Variants in PKD1 observed in about 807,000 individuals in gnomAD.
PKD1 encodes polycystin-1.
A neutral mutation model predicts 361.7 loss-of-function variants in PKD1; 81 were observed. The ratio of observed to expected loss-of-function variants is 0.22; its 90% CI spans 0.19 to 0.27. The LOEUF (loss-of-function observed/expected upper bound fraction) is 0.27. Among genes scored for constraint, PKD1 ranks in the 10% least tolerant of loss-of-function variants. The probability of loss-of-function intolerance (pLI) is 1.00; values close to 1 mark genes in which losing one functional copy is unlikely to be tolerated. For synonymous variants in PKD1, 3,615 were observed against 2,818.3 expected (o/e 1.28, Z -8.95); for missense variants, 6,399 against 6,118.3 (o/e 1.05, Z -1.53).
At position 2,107,904 on chromosome 16, in the gene PKD1, C is replaced by A; in HGVS notation, c.7044G>T (p.Lys2348Asn). 1 of 1,545,074 alleles carries A rather than the reference C, an allele frequency of 6.5e-7. No homozygotes were observed. The highest frequency in any genetic ancestry group is 1.2e-5 in the South Asian group (1 of 83,966). The change falls in exon 16 of 46, where the codon AAG becomes AAT. Residue 2348 changes from lysine (K) to asparagine (N), a missense_variant. Lys to Asn is a moderately conservative substitution (Grantham distance 94, BLOSUM62 0). Transcript: ENST00000262304. ...CCACCGTCTGGTTGGTGGCCTCCTC[C>A]TTGCGGCCGGCCTTCCACACGGTCA... ...FSLTVWKAGR[K>N]EEATNQTVLI...
At chr16:2,107,602 A>G (rs370360935) in intron 16 of PKD1, 73 of 526,038 alleles carry the variant, frequency 1.4e-4, no homozygotes, top group Middle Eastern at 1.1e-3. Context: ...GACAGTGGCT[A>G]CCTCTGGGGT....
rs185024296 is a variant in PKD1 at position 2,107,534 on chromosome 16, G to A, written c.7065+349C>T. On this transcript the variant is annotated intron_variant, in intron 16 of 45. Coordinates refer to ENST00000262304, the MANE Select transcript of PKD1 (RefSeq NM_001009944.3). ...CCAAGCCTCCTGGCCGGTCCAGAGA[G>A]GGGAGCGTGAGGGTGAGAACCGGCC... 1.5e-3 allele frequency: 643 copies of A among 419,536 alleles called. 2 individuals carry two copies. Among genetic ancestry groups the A allele is most frequent in the African/African-American group, 0.012 (596 of 49,404 alleles). The allele number at this position is 419,536 out of a possible 1,614,324, so 26.0% of individuals were successfully genotyped here.
At chr16:2,094,740 C>T (rs1261358834) in intron 34 of PKD1, 4 of 168,372 alleles carry the variant, frequency 2.4e-5, no homozygotes, top group Admixed American at 2.3e-4. Context: ...ACCACCGAGG[C>T]TGTGCCACTG....
In PKD1 at chr16:2,102,733, G is replaced by A. The variant is rs562323687; in HGVS notation, c.8948+81C>T. 1.3e-4 allele frequency: 210 copies of A among 1,603,868 alleles called. 2 individuals carry two copies. The South Asian group carries it at 1.9e-3, about 14-fold the overall frequency. ...CGGTCCAGTCCCCTCGCTGCCTGCCGTCCCCATGGGGCCAGTAACCCAGGC... is the reference window on the plus strand; with the variant it reads ...CGGTCCAGTCCCCTCGCTGCCTGCCATCCCCATGGGGCCAGTAACCCAGGC... On this transcript the variant is annotated intron_variant, in intron 24 of 45. Transcript: ENST00000262304.
rs533152302 is a variant in PKD1, at chr16:2,100,247, C to T, written c.9631G>A (p.Ala3211Thr). 3.4e-5 allele frequency: 55 copies of T among 1,610,638 alleles called. No individual in the cohort carries two copies. Among genetic ancestry groups the T allele is most frequent in the South Asian group, 8.8e-5 (8 of 90,996 alleles). Residue 3211 changes from alanine (A) to threonine (T), a missense_variant, in exon 28 of 46, where the codon GCC (alanine) becomes ACC (threonine). Transcript: ENST00000262304. This position sits in a 1 kb window ranked among gnomAD's most constrained non-coding sequence, Gnocchi z 4.4. ...IVRDLQTARSAFFLVNDWLSV... is the reference protein window; with the variant it reads ...IVRDLQTARSTFFLVNDWLSV... The stretch of plus-strand genomic sequence containing the variant: ...AGCCAGTCATTGACCAGGAAGAAGG[C>T]GCTGCGTGCCGTCTGCAGGTCCCTG...
At chr16:2,097,834 C>T in intron 31 of PKD1, 34 bp downstream of exon 31, 4 of 1,608,302 alleles carry the variant, frequency 2.5e-6, no homozygotes, top group East Asian at 2.2e-5. Flanking sequence ...GCAGGACCCC[C>T]AGCCCAGCCC....
rs2092676856 is a variant in PKD1 at position 2,118,579 on chromosome 16, C to T, written c.529+97G>A. 3 of 825,200 alleles carry T rather than the reference C, an allele frequency of 3.6e-6. No individual in the cohort carries two copies. Among genetic ancestry groups the T allele is most frequent in the African/African-American group, 1.7e-5 (1 of 59,722 alleles). The allele number at this position is 825,200 out of a possible 1,614,324, so 51.1% of individuals were successfully genotyped here. On this transcript the variant is annotated intron_variant, in intron 4 of 45. Coordinates refer to ENST00000262304, the MANE Select transcript of PKD1 (RefSeq NM_001009944.3). The surrounding 1 kb of genome is among the most constrained non-coding windows in gnomAD (Gnocchi z 6.0). Reference sequence around the variant, plus strand: ...GCTGTTCCCTTGGCCCGGAGGCCCCCCCCAGAGAGGCCTTCCTGAGCCCTG... The same window carrying T: ...GCTGTTCCCTTGGCCCGGAGGCCCCTCCCAGAGAGGCCTTCCTGAGCCCTG...
chr16:2,118,590 C>G lies in PKD1; in HGVS notation c.529+86G>C, dbSNP rs2092677138. 1.3e-5 allele frequency: 10 copies of G among 748,802 alleles called. No individual in the cohort carries two copies. Among genetic ancestry groups the G allele is most frequent in the South Asian group, 3.0e-5 (2 of 67,306 alleles). 46.4% of individuals were successfully genotyped at this position (748,802 alleles called of 1,614,324 possible). A position where few individuals can be genotyped will look rare whatever the true frequency, so the allele number is the denominator to read the frequency against. On this transcript the variant is annotated intron_variant, in intron 4 of 45. Coordinates refer to ENST00000262304, the MANE Select transcript of PKD1 (RefSeq NM_001009944.3). The surrounding 1 kb of genome is among the most constrained non-coding windows in gnomAD (Gnocchi z 6.0). ...GGCCCGGAGGCCCCCCCCAGAGAGGCCTTCCTGAGCCCTGCCCAGTGTCTG... is the reference window on the plus strand; with the variant it reads ...GGCCCGGAGGCCCCCCCCAGAGAGGGCTTCCTGAGCCCTGCCCAGTGTCTG...
At position 2,091,821 on chromosome 16, in the gene PKD1, G is replaced by C; in HGVS notation, c.11497C>G (p.Arg3833Gly). The C allele has an allele frequency of 1.2e-6, 2 of 1,610,180 alleles. No individual in the cohort carries two copies. The highest frequency in any genetic ancestry group is 1.7e-6 in the Non-Finnish European group (2 of 1,179,162). Residue 3833 changes from arginine to glycine, a missense_variant, in exon 41 of 46, where the codon CGG (arginine) becomes GGG (glycine). Arg to Gly is a moderately radical substitution (Grantham distance 125, BLOSUM62 -2). Transcript: ENST00000262304. ...TTGTGCAGCTGCAGGAAGCGCAGCC[G>C]GTCGCGGCTCTCCTCCAGGCTCAGG... ...LGLSLEESRD[R>G]LRFLQLHNWL...
At chr16:2,093,235 G>T in intron 37 of PKD1, 142 bp from the exon 38 acceptor site, 1 of 998,682 alleles carries the variant, frequency 1.0e-6, no homozygotes, top group Non-Finnish European at 1.5e-6. Context: ...ACTCTACCTG[G>T]CCAGGGTAAT....
Position 2,090,508 on chromosome 16 carries a change from A to C in PKD1, c.12221T>G (p.Leu4074Arg). ...VLCPGTGLSTLCPAESWHLSP... is the reference protein window; with the variant it reads ...VLCPGTGLSTRCPAESWHLSP... ...CAGGTGCCAGGACTCGGCAGGACAC[A>C]GGGTAGAGAGCCCAGTCCCAGGGCA... Residue 4074 changes from leucine to arginine, a missense_variant, in exon 45 of 46, where the codon CTG becomes CGG. By Grantham distance (102) the Leu-to-Arg change is moderately radical (BLOSUM62 -2). Transcript: ENST00000262304. 1.2e-6 allele frequency: 2 copies of C among 1,611,302 alleles called. No individual in the cohort carries two copies. Among genetic ancestry groups the C allele is most frequent in the Non-Finnish European group, 8.5e-7 (1 of 1,179,470 alleles).
At position 2,100,800 on chromosome 16, in the gene PKD1, G is replaced by A; in HGVS notation, c.9398-234C>T. On this transcript the variant is annotated intron_variant, in intron 26 of 45. Transcript: ENST00000262304. This position sits in a 1 kb window ranked among gnomAD's most constrained non-coding sequence, Gnocchi z 4.4. ...TGGAAAGAACTGTAACTTGTGACAT[G>A]CAAACATGGCTGCACACGCCTCAGT... 1 of 571,998 alleles carries A rather than the reference G, an allele frequency of 1.7e-6. No homozygotes were observed. The allele number at this position is 571,998 out of a possible 1,614,324, so 35.4% of individuals were successfully genotyped here.
In PKD1 at chr16:2,117,562, C is replaced by T. The variant is rs777155449; in HGVS notation, c.1312G>A (p.Ala438Thr). ...ATTGCCAGGGCGGCCCCGGCCCAGG[C>T]CTGACACTGCTCCTGCGCCTGCAGC... ...AWLQAQEQCQ[A>T]WAGAALAMVD... The change falls in exon 6 of 46, where the codon GCC (alanine) becomes ACC (threonine). Residue 438 changes from alanine to threonine, a missense_variant. Coordinates refer to ENST00000262304, the MANE Select transcript of PKD1 (RefSeq NM_001009944.3). 8.1e-6 allele frequency: 13 copies of T among 1,605,214 alleles called. No individual in the cohort carries two copies. The African/African-American group carries it at 1.5e-4, about 18-fold the overall frequency.
At chr16:2,095,760 G>T (rs1596495182) in intron 34 of PKD1, among the ~76,000 whole-genome samples, 1 of 152,236 alleles carries the variant, frequency 6.6e-6, no homozygotes, top group Non-Finnish European at 1.5e-5. Flanking sequence ...GAAGCCGGGA[G>T]GGTGAGGGCC....
At position 2,099,928 on chromosome 16, in the gene PKD1, G is replaced by A; in HGVS notation, c.9856C>T (p.Leu3286Phe). Residue 3286 changes from leucine to phenylalanine, a missense_variant, in exon 29 of 46, where the codon CTC becomes TTC. Transcript: ENST00000262304. ...GCGCCCAGGAAGAGGCAGATGAGGAGAACGCAGCAGGTGGCCCTCTGGATG... is the reference window on the plus strand; with the variant it reads ...GCGCCCAGGAAGAGGCAGATGAGGAAAACGCAGCAGGTGGCCCTCTGGATG... Reference protein sequence around the residue: ...TRIQRATCCVLLICLFLGANA... With the variant: ...TRIQRATCCVFLICLFLGANA... The A allele has an allele frequency of 6.4e-7, 1 of 1,562,806 alleles. No individual in the cohort carries two copies. Among genetic ancestry groups the A allele is most frequent in the Non-Finnish European group, 8.7e-7 (1 of 1,154,984 alleles).
intron 1 of PKD1, chr16:2,134,992 T>G (rs1375695398): frequency 2.0e-6 from 1 of 502,296 alleles, no homozygotes; most frequent in Non-Finnish European, 2.6e-6. Context: ...TCACGGTCTT[T>G]GCTCACACCG....
At position 2,117,593 on chromosome 16, in the gene PKD1, C is replaced by T. The variant is rs141553109; in HGVS notation, c.1281G>A (p.Ala427=). The T allele has an allele frequency of 1.2e-3, 1,972 of 1,609,694 alleles. 7 individuals carry two copies. The highest frequency in any genetic ancestry group is 1.4e-3 in the Non-Finnish European group (1,662 of 1,179,226). The stretch of plus-strand genomic sequence containing the variant: ...ACTGCTCCTGCGCCTGCAGCCAGGC[C>T]GCCTTCTCCACCACCAGGCGGTAGC... ...GHCYRLVVEK[A]AWLQAQEQCQ... Residue 427 remains alanine (A), a synonymous_variant, in exon 6 of 46, where the codon GCG becomes GCA. Coordinates refer to ENST00000262304, the MANE Select transcript of PKD1 (RefSeq NM_001009944.3).
chr16:2,122,315 G>T (rs2092733911), intron 1 of PKD1, among the ~76,000 whole-genome samples: 1 of 152,196 alleles, frequency 6.6e-6, no homozygotes, highest in South Asian at 2.1e-4. Context: ...AGGGGCTGTG[G>T]GACACTCAGA....
chr16:2,089,338 A>ATAAC lies in PKD1; in HGVS notation c.*385_*388dup, dbSNP rs2091336538. On this transcript the variant is annotated 3_prime_UTR_variant, in exon 46 of 46. Coordinates refer to ENST00000262304, the MANE Select transcript of PKD1 (RefSeq NM_001009944.3). ...GAGTACGGTAGGAACTGGAGAGGTA[A>ATAAC]TAACTTAGGGGCAGGGTGGCGGCGG... 3.1e-6 allele frequency: 1 copy of ATAAC among 318,838 alleles called. No individual in the cohort carries two copies. The highest frequency in any genetic ancestry group is 4.5e-5 in the South Asian group (1 of 22,252). 19.8% of individuals were successfully genotyped at this position (318,838 alleles called of 1,614,324 possible). A position where few individuals can be genotyped will look rare whatever the true frequency, so the allele number is the denominator to read the frequency against.
Sources: allele counts gnomAD v4.1 joint callset (sites outside exome capture counted in the v4.1 genomes callset), GRCh38; gene constraint gnomAD v4.1.1; non-coding constraint Gnocchi (gnomAD v3.1); transcripts MANE v1.5; gene names NCBI Gene and HGNC (gene_info 2026-07-23, HGNC 2026-07-21).